Variants in ASAP1 observed in about 807,000 individuals in gnomAD.
ASAP1 encodes the protein ArfGAP with SH3 domain, ankyrin repeat and PH domain 1.
ASAP1 carries 43 observed loss-of-function variants against 145.2 expected under a neutral mutation model. The ratio of observed to expected loss-of-function variants is 0.30; its 90% CI spans 0.23 to 0.38. The LOEUF (loss-of-function observed/expected upper bound fraction) is 0.38. Among genes scored for constraint, ASAP1 ranks in the 10% least tolerant of loss-of-function variants. The pLI is 1.00. For synonymous variants in ASAP1, 546 were observed against 515.5 expected, an observed-to-expected ratio of 1.06 and a Z score of -0.80; for missense variants, 1,018 against 1,355.3, an observed-to-expected ratio of 0.75 and a Z score of 3.91.
chr8:130,114,692 T>C (rs2097552056), intron 23 of ASAP1, among the ~76,000 whole-genome samples: 1 of 152,144 alleles, frequency 6.6e-6, no homozygotes, highest in African/African-American at 2.4e-5. Context: ...TGGACTGAAA[T>C]GTTATTATAC....
chr8:130,260,050 T>C (rs1265907033), intron 3 of ASAP1, among the ~76,000 whole-genome samples: 1 of 152,196 alleles, frequency 6.6e-6, no homozygotes, highest in African/African-American at 2.4e-5. Context: ...AAAAGGACAA[T>C]GTTGTTCATT....
chr8:130,068,510 A>C (rs1292101674), intron 27 of ASAP1, among the ~76,000 whole-genome samples: 1 of 152,202 alleles, frequency 6.6e-6, no homozygotes, highest in Non-Finnish European at 1.5e-5. Flanking sequence ...ACTAAAACGC[A>C]CTGTAAGAGT....
chr8:130,128,084 T>A lies in ASAP1; in HGVS notation c.1224A>T (p.Ile408=), dbSNP rs1202129748. 1 of 1,542,540 alleles carries A rather than the reference T, an allele frequency of 6.5e-7. No homozygotes were observed. The highest frequency in any genetic ancestry group is 8.7e-7 in the Non-Finnish European group (1 of 1,145,088). ...AEDEQDYVAW[I]SVLTNSKEEA... is the part of the protein sequence containing the mutation. ...CTTCTTTGCTATTTGTCAATACTGA[T>A]ATCCATCTGTTGGTAAAAACATAAG... Residue 408 remains isoleucine (I), a synonymous_variant, in exon 16 of 30, where the codon ATA becomes ATT. Coordinates refer to ENST00000518721, the MANE Select transcript of ASAP1 (RefSeq NM_018482.4).
intron 2 of ASAP1, among the ~76,000 whole-genome samples, chr8:130,387,278 G>A (rs553587917): frequency 1.3e-5 from 2 of 152,332 alleles, no homozygotes; most frequent in African/African-American, 2.4e-5. Flanking sequence ...GCTCACACCT[G>A]TAATCCCGGC....
At chr8:130,357,067 G>A (rs74803753) in intron 3 of ASAP1, among the ~76,000 whole-genome samples, 1,972 of 152,240 alleles carry the variant, frequency 0.013, 26 homozygotes, top group East Asian at 0.051. Context: ...TGAGTTCCTG[G>A]GCAAATATCC....
At chr8:130,221,211 G>A (rs1032113278) in intron 4 of ASAP1, among the ~76,000 whole-genome samples, 14 of 152,054 alleles carry the variant, frequency 9.2e-5, no homozygotes, top group African/African-American at 3.4e-4. Flanking sequence ...TCCAGCCTGG[G>A]TGACAGAGTG....
At chr8:130,111,377 T>C (rs576620834) in intron 24 of ASAP1, among the ~76,000 whole-genome samples, 107 of 152,216 alleles carry the variant, frequency 7.0e-4, no homozygotes, top group Non-Finnish European at 1.3e-3. Flanking sequence ...CTCCAAGTAC[T>C]GTCTCTGGAA....
At chr8:130,245,178 G>A (rs2136771813) in intron 3 of ASAP1, among the ~76,000 whole-genome samples, 1 of 152,186 alleles carries the variant, frequency 6.6e-6, no homozygotes, top group Non-Finnish European at 1.5e-5. Context: ...AAGGGGAAAT[G>A]ACCAACCTAA....
intron 1 of ASAP1, among the ~76,000 whole-genome samples, chr8:130,425,278 G>A: frequency 6.6e-6 from 1 of 152,096 alleles, no homozygotes; most frequent in Non-Finnish European, 1.5e-5. Context: ...GTTACAGTGA[G>A]GTGAGATTGT....
chr8:130,356,088 AT>A (rs33952386), intron 3 of ASAP1, among the ~76,000 whole-genome samples: 46,962 of 151,802 alleles, frequency 0.31, 7,254 homozygotes, highest in African/African-American at 0.33. Context: ...ATAAAAAAAA[AT>A]ATTTGCTTTT....
intron 5 of ASAP1, among the ~76,000 whole-genome samples, chr8:130,205,838 A>G (rs1211693707): frequency 6.6e-6 from 1 of 152,084 alleles, no homozygotes; most frequent in Non-Finnish European, 1.5e-5. Flanking sequence ...CCCTTCTGAA[A>G]TCGGTAAAAC....
At chr8:130,137,114 AGGTATG>A in intron 13 of ASAP1, 76 bp from the exon 14 acceptor site, 13 of 1,242,818 alleles carry the variant, frequency 1.0e-5, no homozygotes, top group East Asian at 2.3e-5. Flanking sequence ...CCTGTAGGGC[AGGTATG>A]CTGTTCATAA....
At chr8:130,391,082 A>C (rs1321280766) in intron 2 of ASAP1, among the ~76,000 whole-genome samples, 3 of 152,204 alleles carry the variant, frequency 2.0e-5, no homozygotes, top group African/African-American at 7.2e-5. Flanking sequence ...TGTACATACA[A>C]TGGAATGTTA....
intron 22 of ASAP1, 25 bp from the exon 23 acceptor site, chr8:130,115,760 C>T (rs768373734): frequency 1.3e-6 from 2 of 1,514,908 alleles, no homozygotes; most frequent in South Asian, 2.3e-5. Context: ...AAATGTGCAC[C>T]ATTTTAATTT....
intron 3 of ASAP1, among the ~76,000 whole-genome samples, chr8:130,264,326 T>C (rs1371191479): frequency 6.6e-6 from 1 of 152,196 alleles, no homozygotes; most frequent in Non-Finnish European, 1.5e-5. Flanking sequence ...CTGGGATCTA[T>C]ATAGGATCCT....
chr8:130,091,088 G>A (rs538134527), intron 25 of ASAP1, among the ~76,000 whole-genome samples: 5 of 152,316 alleles, frequency 3.3e-5, no homozygotes, highest in Non-Finnish European at 7.4e-5. Flanking sequence ...AATTTGTCAT[G>A]TGCAGTCAAT....
At chr8:130,068,203 T>A (rs1479205689) in intron 27 of ASAP1, among the ~76,000 whole-genome samples, 3 of 152,196 alleles carry the variant, frequency 2.0e-5, no homozygotes, top group Non-Finnish European at 4.4e-5. Context: ...AAATATTTAA[T>A]CCCTGGTTAT....
Position 130,288,352 on chromosome 8 carries a change from T to TA in ASAP1, c.187-51359dup, listed in dbSNP as rs879624716. On this transcript the variant is annotated intron_variant, in intron 3 of 29. Coordinates refer to ENST00000518721, the MANE Select transcript of ASAP1 (RefSeq NM_018482.4). ...TCCATTCTTTTACAAGAGCTGATAT[T>TA]AAAAAAAAAAAAAATTCCTTGTTGA... 4.7e-3 allele frequency among the ~76,000 whole-genome samples: 682 copies of TA among 144,036 alleles called. 2 individuals are homozygous for TA. Among genetic ancestry groups the TA allele is most frequent in the African/African-American group, 0.015 (583 of 39,390 alleles). The allele number at this position is 144,036 out of a possible 152,430, so 94.5% of individuals were successfully genotyped here. A position where few individuals can be genotyped will look rare whatever the true frequency, so the allele number is the denominator to read the frequency against.
At chr8:130,333,931 G>A (rs931540974) in intron 3 of ASAP1, among the ~76,000 whole-genome samples, 2 of 152,186 alleles carry the variant, frequency 1.3e-5, no homozygotes, top group African/African-American at 4.8e-5. Flanking sequence ...GGGCCACAGT[G>A]TGCACAGAGC....
Sources: allele counts gnomAD v4.1 joint callset (sites outside exome capture counted in the v4.1 genomes callset), GRCh38; gene constraint gnomAD v4.1.1; transcripts MANE v1.5; gene names NCBI Gene and HGNC (gene_info 2026-07-23, HGNC 2026-07-21).